The following CPAMD8 variants were observed in gnomAD, a reference collection of about 807,000 sequenced individuals.
The protein encoded by CPAMD8 is C3 and PZP-like alpha-2-macroglobulin domain-containing protein 8.
In CPAMD8, 146 loss-of-function variants were observed where a neutral mutation model predicts 224.7. The ratio of observed to expected loss-of-function variants is 0.65; its 90% CI spans 0.57 to 0.75. The LOEUF (loss-of-function observed/expected upper bound fraction) is 0.75, where lower values mean the gene tolerates loss of function less well. Among genes scored for constraint, CPAMD8 ranks in the 30% least tolerant of loss-of-function variants. The pLI is 0.00. For missense variants in CPAMD8, 2,301 were observed against 2,537.5 expected, an observed-to-expected ratio of 0.91 and a Z score of 2.00; for synonymous variants, 966 against 1,044.6, an observed-to-expected ratio of 0.92 and a Z score of 1.45.
In CPAMD8 at chr19:16,951,888, C is replaced by T. The variant is rs565253473; in HGVS notation, c.2508+81G>A. On this transcript the variant is annotated intron_variant, in intron 20 of 41. Coordinates refer to ENST00000443236, the MANE Select transcript of CPAMD8 (RefSeq NM_015692.5). Reference sequence around the variant, plus strand: ...AATCCCCCAAGCTGACACTGTCCCACCCCTGCCTACCTTATAGCACCAATG... The same window carrying T: ...AATCCCCCAAGCTGACACTGTCCCATCCCTGCCTACCTTATAGCACCAATG... The T allele has an allele frequency of 2.1e-4, 188 of 891,846 alleles. No individual in the cohort carries two copies. The African/African-American group carries it at 2.8e-3, about 13-fold the overall frequency. 55.2% of individuals were successfully genotyped at this position (891,846 alleles called of 1,614,324 possible).
At chr19:16,941,887 C>T (rs534777224) in intron 22 of CPAMD8, among the ~76,000 whole-genome samples, 46 of 152,224 alleles carry the variant, frequency 3.0e-4, no homozygotes, top group East Asian at 1.2e-3. Context: ...GCAGGAGACT[C>T]GCTTGAACAA....
rs369680748 is a variant in CPAMD8 at position 16,978,937 on chromosome 19, T to G, written c.1586-1397A>C. 6.8e-5 allele frequency among the ~76,000 whole-genome samples: 10 copies of G among 148,038 alleles called. 1 individual carries two copies. The highest frequency in any genetic ancestry group is 2.0e-4 in the African/African-American group (8 of 40,124). On this transcript the variant is annotated intron_variant, in intron 14 of 41. Transcript: ENST00000443236. ...TCATCCATCATCCACCCACCCACCATCCATCCATTTATCCATCCATCATCC... is the reference window on the plus strand; with the variant it reads ...TCATCCATCATCCACCCACCCACCAGCCATCCATTTATCCATCCATCATCC...
chr19:16,972,620 G>C (rs373851317), intron 17 of CPAMD8, among the ~76,000 whole-genome samples: 1 of 152,074 alleles, frequency 6.6e-6, no homozygotes, highest in South Asian at 2.1e-4. Flanking sequence ...ATTTTTAGTA[G>C]AGACGGGGTT....
chr19:17,002,862 T>C (rs2056372908), intron 8 of CPAMD8, among the ~76,000 whole-genome samples: 1 of 151,908 alleles, frequency 6.6e-6, no homozygotes, highest in African/African-American at 2.4e-5. Context: ...AGAACTCTTG[T>C]AGGAGCCTAA....
intron 26 of CPAMD8, among the ~76,000 whole-genome samples, chr19:16,923,879 C>T (rs1353542818): frequency 6.6e-6 from 1 of 152,018 alleles, no homozygotes; most frequent in African/African-American, 2.4e-5. Context: ...TCACTTGAGC[C>T]CAGGAGTTCA....
chr19:16,989,821 G>T (rs771623225), intron 12 of CPAMD8, 50 bp from the exon 13 acceptor site: 1 of 1,574,478 alleles, frequency 6.4e-7, no homozygotes, highest in African/African-American at 1.3e-5. Context: ...AGAGCAGAAA[G>T]GGGGTCTTGG....
intron 22 of CPAMD8, among the ~76,000 whole-genome samples, chr19:16,940,224 A>G (rs1278446778): frequency 1.3e-5 from 2 of 152,050 alleles, no homozygotes; most frequent in Non-Finnish European, 2.9e-5. Flanking sequence ...CTGGGTCTCT[A>G]TCTTGCAGAG....
chr19:16,908,058 T>A (rs771882512), intron 29 of CPAMD8, among the ~76,000 whole-genome samples: 7 of 152,162 alleles, frequency 4.6e-5, no homozygotes, highest in Non-Finnish European at 1.0e-4. Flanking sequence ...GCCAGGTCTT[T>A]GTTAAGACAG....
At chr19:16,973,752 G>T (rs980298139) in intron 17 of CPAMD8, among the ~76,000 whole-genome samples, 2 of 151,788 alleles carry the variant, frequency 1.3e-5, no homozygotes, top group African/African-American at 4.8e-5. Flanking sequence ...GGCGAAGCAT[G>T]CTCCCATCCC....
chr19:16,955,191 A>T (rs1385144795), intron 19 of CPAMD8, among the ~76,000 whole-genome samples: 24 of 152,020 alleles, frequency 1.6e-4, no homozygotes, highest in Non-Finnish European at 1.5e-5. Flanking sequence ...GCTATTTGGA[A>T]GGTTAAGGCA....
At chr19:16,897,322 C>T (rs1568445592) in intron 39 of CPAMD8, 1 of 247,574 alleles carries the variant, frequency 4.0e-6, no homozygotes, top group South Asian at 6.4e-5. Flanking sequence ...ACCCTCCGCA[C>T]TCACCTCCCC....
intron 31 of CPAMD8, 35 bp downstream of exon 31, chr19:16,904,431 C>T (rs1232440967): frequency 6.2e-7 from 1 of 1,614,004 alleles, no homozygotes; most frequent in South Asian, 1.1e-5. Context: ...GAGGTATGGC[C>T]AAGGCAGGCA....
chr19:16,903,732 C>T lies in CPAMD8; in HGVS notation c.4377G>A (p.Arg1459=). ...CTGTCTGCAGAACCTTCTGGTTGGT[C>T]CTGTGCAGCTCGAAGGTTTCCTGGT... ...LDYQETFELH[R]TNQKVLQTAA... The change falls in exon 33 of 42, where the codon AGG becomes AGA. Residue 1459 remains arginine (R), a synonymous_variant. Coordinates refer to ENST00000443236, the MANE Select transcript of CPAMD8 (RefSeq NM_015692.5). The T allele has an allele frequency of 6.2e-7, 1 of 1,614,184 alleles. No homozygotes were observed. The highest frequency in any genetic ancestry group is 1.1e-5 in the South Asian group (1 of 91,086).
chr19:17,004,165 G>T, intron 8 of CPAMD8, 108 bp downstream of exon 8: 1 of 685,400 alleles, frequency 1.5e-6, no homozygotes, highest in Non-Finnish European at 2.5e-6. Context: ...CTGGGCCTCC[G>T]AAAGTGCTGG....
intron 22 of CPAMD8, among the ~76,000 whole-genome samples, chr19:16,943,399 A>G (rs866345921): frequency 3.3e-5 from 5 of 150,456 alleles, no homozygotes; most frequent in Admixed American, 6.6e-5. Context: ...TTATTTATTT[A>G]TTTATTCATT....
chr19:16,925,279 T>C lies in CPAMD8; in HGVS notation c.3464A>G (p.Asn1155Ser), dbSNP rs746900621. The C allele has an allele frequency of 3.1e-6, 5 of 1,614,072 alleles. No individual in the cohort carries two copies. The highest frequency in any genetic ancestry group is 1.1e-5 in the South Asian group (1 of 91,082). ...GEQNMIHFAP[N>S]VFVLKYLQKT... is the part of the protein sequence containing the mutation. Reference sequence around the variant, plus strand: ...CTGAAGATACTTCAAGACAAAGACGTTGGGTGCAAAGTGGATCATGTTCTG... The same window carrying C: ...CTGAAGATACTTCAAGACAAAGACGCTGGGTGCAAAGTGGATCATGTTCTG... Residue 1155 changes from asparagine to serine, a missense_variant, in exon 26 of 42, where the codon AAC becomes AGC. Asn to Ser is a conservative substitution (Grantham distance 46). Transcript: ENST00000443236.
intron 39 of CPAMD8, 174 bp from the exon 40 acceptor site, chr19:16,896,839 C>G (rs996310206): frequency 1.2e-5 from 5 of 428,042 alleles, no homozygotes; most frequent in African/African-American, 1.0e-4. Flanking sequence ...GAATTTCACG[C>G]AGGTATTTGC....
In CPAMD8 at chr19:16,980,486, G is replaced by GC. The variant is rs771386042; in HGVS notation, c.1585+10dup. 1.9e-6 allele frequency: 3 copies of GC among 1,610,826 alleles called. No homozygotes were observed. Among genetic ancestry groups the GC allele is most frequent in the African/African-American group, 1.3e-5 (1 of 74,902 alleles). On this transcript the variant is annotated intron_variant, in intron 14 of 41. Transcript: ENST00000443236. ...GAAGAACAGGAACCTTCTCCCTGCTGCCCGGCTCACCTGTCTCAGAAAGGT... is the reference window on the plus strand; with the variant it reads ...GAAGAACAGGAACCTTCTCCCTGCTGCCCCGGCTCACCTGTCTCAGAAAGGT...
chr19:16,943,985 G>T (rs893334761), intron 22 of CPAMD8, among the ~76,000 whole-genome samples: 1 of 152,178 alleles, frequency 6.6e-6, no homozygotes, highest in Non-Finnish European at 1.5e-5. Flanking sequence ...CCTCCCAGCA[G>T]ATATAGAGGA....
Sources: allele counts gnomAD v4.1 joint callset (sites outside exome capture counted in the v4.1 genomes callset), GRCh38; gene constraint gnomAD v4.1.1; transcripts MANE v1.5; gene names NCBI Gene and HGNC (gene_info 2026-07-23, HGNC 2026-07-21).